MACROD2: variants seen among roughly 807,000 people sequenced by gnomAD.
MACROD2 encodes the protein ADP-ribose glycohydrolase MACROD2.
MACROD2 carries 36 observed loss-of-function variants against 70.4 expected under a neutral mutation model. That is an observed-to-expected ratio of 0.51 (90% CI 0.39 to 0.68). The LOEUF (loss-of-function observed/expected upper bound fraction) is 0.68. MACROD2 is among the 30% of genes least tolerant of loss of function. The pLI is 0.00. For synonymous variants in MACROD2, 172 were observed against 178.8 expected (o/e 0.96, Z 0.30); for missense variants, 496 against 538.4 (o/e 0.92, Z 0.78).
intron 8 of MACROD2, among the ~76,000 whole-genome samples, chr20:15,676,128 A>G (rs1462681364): frequency 6.6e-6 from 1 of 152,136 alleles, no homozygotes; most frequent in Non-Finnish European, 1.5e-5. Flanking sequence ...TCAAGATTCT[A>G]TTTTTATTCA....
intron 3 of MACROD2, among the ~76,000 whole-genome samples, chr20:14,414,883 C>G (rs911758033): frequency 1.3e-5 from 2 of 151,830 alleles, no homozygotes; most frequent in East Asian, 1.9e-4. Context: ...TTAAAAAACT[C>G]TGTTCCCAAC....
At chr20:15,468,028 T>C (rs1490859891) in intron 7 of MACROD2, among the ~76,000 whole-genome samples, 1 of 152,212 alleles carries the variant, frequency 6.6e-6, no homozygotes, top group East Asian at 1.9e-4. Flanking sequence ...AGGTTCTCTC[T>C]TTTTACTTTC....
intron 3 of MACROD2, among the ~76,000 whole-genome samples, chr20:14,280,021 AG>A (rs1174666300): frequency 1.3e-5 from 2 of 152,208 alleles, no homozygotes; most frequent in African/African-American, 4.8e-5. Flanking sequence ...TTCTCAATAA[AG>A]AATGGTAACT....
chr20:14,249,897 A>T (rs1196806726), intron 3 of MACROD2, among the ~76,000 whole-genome samples: 1 of 152,144 alleles, frequency 6.6e-6, no homozygotes, highest in African/African-American at 2.4e-5. Flanking sequence ...CTACACCCAG[A>T]CACGGGGGTG....
intron 10 of MACROD2, among the ~76,000 whole-genome samples, chr20:15,892,042 A>C (rs1194812627): frequency 2.0e-5 from 3 of 152,130 alleles, no homozygotes; most frequent in Admixed American, 2.0e-4. Flanking sequence ...AGCTCATGAA[A>C]ACCACCAGGT....
intron 3 of MACROD2, among the ~76,000 whole-genome samples, chr20:14,200,693 A>G (rs529318091): frequency 2.0e-5 from 3 of 152,344 alleles, no homozygotes; most frequent in East Asian, 1.9e-4. Flanking sequence ...CATTTCTGCA[A>G]TAATTTATGT....
At chr20:14,001,339 C>A (rs1249242893) in intron 1 of MACROD2, among the ~76,000 whole-genome samples, 4 of 152,076 alleles carry the variant, frequency 2.6e-5, no homozygotes, top group Non-Finnish European at 4.4e-5. Context: ...GACATCCACT[C>A]TAATTCTAAG....
Position 14,384,056 on chromosome 20 carries a change from A to G in MACROD2, c.272-109423A>G, listed in dbSNP as rs549263869. ...TTAAATGCTTTATTTACTAGTTTTCATATGCTTCTTGTAAACCTAGTCTCA... is the reference window on the plus strand; with the variant it reads ...TTAAATGCTTTATTTACTAGTTTTCGTATGCTTCTTGTAAACCTAGTCTCA... On this transcript the variant is annotated intron_variant, in intron 3 of 17. Transcript: ENST00000684519. 5.9e-4 allele frequency among the ~76,000 whole-genome samples: 90 copies of G among 152,186 alleles called. 2 individuals are homozygous for G. The Middle Eastern group carries it at 0.051, about 86-fold the overall frequency.
intron 6 of MACROD2, among the ~76,000 whole-genome samples, chr20:15,382,426 G>GAT (rs1481222207): frequency 6.6e-6 from 1 of 152,068 alleles, no homozygotes; most frequent in African/African-American, 2.4e-5. Flanking sequence ...CTTCTTTAAT[G>GAT]AAAGAATTAT....
intron 5 of MACROD2, among the ~76,000 whole-genome samples, chr20:14,789,183 C>T (rs1296929525): frequency 6.6e-6 from 1 of 151,674 alleles, no homozygotes; most frequent in Non-Finnish European, 1.5e-5. Flanking sequence ...AGGCCTATAT[C>T]GAAACCTGTA....
At chr20:14,147,105 T>A (rs999804924) in intron 3 of MACROD2, among the ~76,000 whole-genome samples, 1 of 152,178 alleles carries the variant, frequency 6.6e-6, no homozygotes, top group Non-Finnish European at 1.5e-5. Flanking sequence ...GGGCTTCTTA[T>A]GTACTGGGTA....
intron 12 of MACROD2, among the ~76,000 whole-genome samples, chr20:15,938,282 C>A (rs1601172034): frequency 6.6e-6 from 1 of 152,134 alleles, no homozygotes; most frequent in South Asian, 2.1e-4. Context: ...CTTCATTTTA[C>A]TGTGCTTTGA....
intron 5 of MACROD2, among the ~76,000 whole-genome samples, chr20:14,896,382 T>C (rs558276454): frequency 6.6e-6 from 1 of 152,356 alleles, no homozygotes; most frequent in Non-Finnish European, 1.5e-5. Flanking sequence ...TTGAATTCTT[T>C]GTCTTAGTCA....
chr20:15,420,750 G>A (rs747262236), intron 6 of MACROD2, among the ~76,000 whole-genome samples: 6 of 152,008 alleles, frequency 3.9e-5, no homozygotes, highest in African/African-American at 7.3e-5. Flanking sequence ...TTATTTCTAG[G>A]AATAGATCCT....
intron 1 of MACROD2, chr20:13,996,236 G>T (rs532863538): frequency 7.4e-4 from 157 of 212,598 alleles, no homozygotes; most frequent in Non-Finnish European, 1.2e-3. Flanking sequence ...TGCAGCTGCC[G>T]CTGTGCCTCC....
At chr20:15,609,534 A>G (rs1200037828) in intron 8 of MACROD2, among the ~76,000 whole-genome samples, 5 of 152,206 alleles carry the variant, frequency 3.3e-5, no homozygotes, top group African/African-American at 1.2e-4. Flanking sequence ...TTTGGAATAC[A>G]GAGAATTCAG....
intron 8 of MACROD2, among the ~76,000 whole-genome samples, chr20:15,505,468 C>T (rs1245063212): frequency 2.6e-5 from 4 of 152,048 alleles, no homozygotes; most frequent in African/African-American, 7.2e-5. Flanking sequence ...AGAAACCCAG[C>T]GTTCTAGGAG....
At chr20:14,716,726 TA>T (rs1013589100) in intron 5 of MACROD2, among the ~76,000 whole-genome samples, 10 of 151,888 alleles carry the variant, frequency 6.6e-5, no homozygotes, top group East Asian at 1.9e-4. Flanking sequence ...GTGAAGTGGG[TA>T]AAAAAAATGT....
intron 5 of MACROD2, among the ~76,000 whole-genome samples, chr20:14,984,134 T>C (rs1031486585): frequency 7.9e-5 from 12 of 152,310 alleles, no homozygotes; most frequent in African/African-American, 2.9e-4. Context: ...CTGTGATTGG[T>C]TTGCTTTTTT....
Sources: allele counts gnomAD v4.1 joint callset (sites outside exome capture counted in the v4.1 genomes callset), GRCh38; gene constraint gnomAD v4.1.1; transcripts MANE v1.5; gene names NCBI Gene and HGNC (gene_info 2026-07-23, HGNC 2026-07-21).